DSCAM: variants seen among roughly 807,000 people sequenced by gnomAD.
The protein encoded by DSCAM is DS cell adhesion molecule, also known as cell adhesion molecule DSCAM.
A neutral mutation model predicts 217.7 loss-of-function variants in DSCAM; 47 were observed. The observed-to-expected ratio is 0.22, with a 90% confidence interval of 0.17 to 0.28. The LOEUF is 0.28. Ranked by LOEUF, DSCAM falls within the 10% of genes least tolerant of loss-of-function variation. The probability of loss-of-function intolerance (pLI) is 1.00; values close to 1 mark genes in which losing one functional copy is unlikely to be tolerated. For synonymous variants in DSCAM, 1,056 were observed against 1,015.3 expected, an observed-to-expected ratio of 1.04 and a Z score of -0.76; for missense variants, 2,080 against 2,618.3, an observed-to-expected ratio of 0.79 and a Z score of 4.49.
intron 16 of DSCAM, among the ~76,000 whole-genome samples, chr21:40,166,712 G>A (rs2090598476): frequency 6.6e-6 from 1 of 152,188 alleles, no homozygotes; most frequent in South Asian, 2.1e-4. Context: ...CACACATGGG[G>A]TAGCACTGCC....
rs145220939 is a variant in DSCAM, at chr21:40,810,766, A to G, written c.43+35853T>C. Among the ~76,000 whole-genome samples the G allele has an allele frequency of 2.0e-5, 3 of 152,240 alleles. No homozygotes were observed. The East Asian group carries it at 5.8e-4, about 29-fold the overall frequency. ...ATAAAAATTAAAAAACTATCCAGAC[A>G]TGGTGGTGTGTGACTGTACTCCCAG... On this transcript the variant is annotated intron_variant, in intron 1 of 32. Transcript: ENST00000400454.
intron 3 of DSCAM, among the ~76,000 whole-genome samples, chr21:40,428,517 G>T (rs563117923): frequency 2.6e-5 from 4 of 152,034 alleles, no homozygotes; most frequent in Admixed American, 2.6e-4. Context: ...TAATCCACCC[G>T]CCTCAGCCTC....
chr21:40,842,917 G>A (rs571476867), intron 1 of DSCAM, among the ~76,000 whole-genome samples: 63 of 152,248 alleles, frequency 4.1e-4, no homozygotes, highest in African/African-American at 1.4e-3. Context: ...TCCTACAGAG[G>A]GCATCTTGGA....
chr21:40,065,626 C>T (rs1012771501), intron 27 of DSCAM, among the ~76,000 whole-genome samples: 39 of 152,146 alleles, frequency 2.6e-4, no homozygotes, highest in African/African-American at 8.0e-4. Flanking sequence ...GCTCCTGCTG[C>T]ACACCTAGTG....
At chr21:40,485,587 T>C (rs1387722951) in intron 3 of DSCAM, among the ~76,000 whole-genome samples, 1 of 152,164 alleles carries the variant, frequency 6.6e-6, no homozygotes, top group East Asian at 1.9e-4. Flanking sequence ...TACAGAAGGC[T>C]AATCATCAGT....
intron 11 of DSCAM, among the ~76,000 whole-genome samples, chr21:40,256,139 T>A (rs2073367101): frequency 6.6e-6 from 1 of 152,250 alleles, no homozygotes. Flanking sequence ...CAAATTAAAA[T>A]GCAGCATACC....
At position 40,119,439 on chromosome 21, in the gene DSCAM, T is replaced by C. The variant is rs16999304; in HGVS notation, c.3696+4756A>G. 9.1e-3 allele frequency among the ~76,000 whole-genome samples: 1,388 copies of C among 152,250 alleles called. 24 individuals are homozygous for C. Among genetic ancestry groups the C allele is most frequent in the African/African-American group, 0.031 (1,301 of 41,550 alleles). On this transcript the variant is annotated intron_variant, in intron 20 of 32. Coordinates refer to ENST00000400454, the MANE Select transcript of DSCAM (RefSeq NM_001389.5). ...GAAGTACTGGAGAGGTCTTCCTGAG[T>C]ACGCAGATGGTGGTAAGCTGGAAAT...
chr21:40,485,433 G>T (rs953089849), intron 3 of DSCAM, among the ~76,000 whole-genome samples: 1 of 151,426 alleles, frequency 6.6e-6, no homozygotes, highest in Admixed American at 6.6e-5. Context: ...TAGTAGAGAC[G>T]GGGTTTCACC....
intron 3 of DSCAM, among the ~76,000 whole-genome samples, chr21:40,647,129 G>A (rs1334596574): frequency 6.6e-6 from 1 of 152,162 alleles, no homozygotes; most frequent in African/African-American, 2.4e-5. Context: ...TTTATTGGTG[G>A]CCGAATTGGA....
rs2089743896 is a variant in DSCAM at position 40,101,060 on chromosome 21, C to T, written c.3697-7186G>A. ...AGGCATGGACTTGAGGGATCCCATC[C>T]CCCATGTCCCTGAACCAGAATGCCA... is the stretch of plus-strand genomic sequence containing the variant. On this transcript the variant is annotated intron_variant, in intron 20 of 32. Transcript: ENST00000400454. Among the ~76,000 whole-genome samples, 6 of 152,326 alleles carry T rather than the reference C, an allele frequency of 3.9e-5. No individual in the cohort carries two copies. The South Asian group carries it at 1.2e-3, about 32-fold the overall frequency.
At chr21:40,705,906 C>T (rs1291389507) in intron 2 of DSCAM, among the ~76,000 whole-genome samples, 1 of 152,104 alleles carries the variant, frequency 6.6e-6, no homozygotes, top group Non-Finnish European at 1.5e-5. Context: ...AGTTTGTGGC[C>T]GGGGTCGCTC....
intron 18 of DSCAM, among the ~76,000 whole-genome samples, chr21:40,137,828 T>C (rs975896088): frequency 6.6e-6 from 1 of 152,208 alleles, no homozygotes. Context: ...GGTGCGGGAA[T>C]AGCTTCTGAA....
chr21:40,123,491 T>C (rs2146667739), intron 20 of DSCAM, among the ~76,000 whole-genome samples: 1 of 152,296 alleles, frequency 6.6e-6, no homozygotes, highest in South Asian at 2.1e-4. Context: ...TTTTAATGTT[T>C]TCTTTTCTTT....
intron 3 of DSCAM, among the ~76,000 whole-genome samples, chr21:40,471,952 T>C (rs149364235): frequency 0.074 from 11,248 of 152,072 alleles, 791 homozygotes; most frequent in African/African-American, 0.18. Context: ...GTTCTCCCCA[T>C]CCCACAACAG....
At chr21:40,080,618 A>G (rs1351731321) in intron 24 of DSCAM, among the ~76,000 whole-genome samples, 1 of 152,232 alleles carries the variant, frequency 6.6e-6, no homozygotes, top group Admixed American at 6.5e-5. Context: ...CATATTGAGC[A>G]GCAGGGAATA....
chr21:40,721,585 G>C (rs1010786594), intron 1 of DSCAM, among the ~76,000 whole-genome samples: 1 of 152,102 alleles, frequency 6.6e-6, no homozygotes, highest in African/African-American at 2.4e-5. Context: ...AGAAGAAACT[G>C]TCAATGAACC....
chr21:40,523,750 G>T lies in DSCAM; in HGVS notation c.509-154505C>A, dbSNP rs1022456873. ...GGCAGGAGTCTAATTGATCTGATAC[G>T]CACAAGCCACCTGCACATGCTAAAC... On this transcript the variant is annotated intron_variant, in intron 3 of 32. Transcript: ENST00000400454. Among the ~76,000 whole-genome samples, 6 of 152,122 alleles carry T rather than the reference G, an allele frequency of 3.9e-5. No homozygotes were observed. In the East Asian group the frequency reaches 9.6e-4, roughly 24 times the overall value.
chr21:40,189,117 T>C lies in DSCAM; in HGVS notation c.2478A>G (p.Arg826=). The C allele has an allele frequency of 1.2e-6, 2 of 1,614,158 alleles. No individual in the cohort carries two copies. Among genetic ancestry groups the C allele is most frequent in the South Asian group, 2.2e-5 (2 of 91,078 alleles). Residue 826 remains arginine (R), a synonymous_variant, in exon 12 of 33, where the codon CGA becomes CGG. Coordinates refer to ENST00000400454, the MANE Select transcript of DSCAM (RefSeq NM_001389.5). The part of the protein sequence containing the change: ...PIIVRWEKED[R]IINPEMARYL... The stretch of plus-strand genomic sequence containing the variant: ...AACGGGCCATCTCAGGGTTAATGAT[T>C]CGGTCCTCCTTCTCCCAGCGGACTA...
At chr21:40,319,503 G>C (rs1652125263) in intron 8 of DSCAM, among the ~76,000 whole-genome samples, 1 of 152,182 alleles carries the variant, frequency 6.6e-6, no homozygotes, top group African/African-American at 2.4e-5. Context: ...GGACACTTAA[G>C]TTGTTTCCAT....
Sources: gnomAD v4.1 joint callset for allele counts (sites outside exome capture counted in the v4.1 genomes callset) on GRCh38, gnomAD v4.1.1 for gene constraint, MANE v1.5 for transcripts, NCBI Gene and HGNC (gene_info 2026-07-23, HGNC 2026-07-21) for gene names.